Variants in MAP3K1 observed in about 807,000 individuals in gnomAD.
MAP3K1 encodes the protein MAP/ERK kinase kinase 1.
In MAP3K1, 36 loss-of-function variants were observed where a neutral mutation model predicts 144.2. That is an observed-to-expected ratio of 0.25 (90% CI 0.19 to 0.33). The LOEUF (loss-of-function observed/expected upper bound fraction) is 0.33. MAP3K1 is among the 10% of genes least tolerant of loss of function. MAP3K1 has a pLI of 1.00. For synonymous variants in MAP3K1, 718 were observed against 688.7 expected (o/e 1.04, Z -0.67); for missense variants, 1,650 against 1,881.9 (o/e 0.88, Z 2.28).
At chr5:56,850,420 T>C (rs916646541) in intron 1 of MAP3K1, among the ~76,000 whole-genome samples, 5 of 152,358 alleles carry the variant, frequency 3.3e-5, no homozygotes, top group East Asian at 1.9e-4. Flanking sequence ...ACGATCGTTA[T>C]AGTCTTAGTT....
At chr5:56,889,388 C>T (rs570243199) in intron 19 of MAP3K1, among the ~76,000 whole-genome samples, 3 of 152,228 alleles carry the variant, frequency 2.0e-5, no homozygotes, top group East Asian at 1.9e-4. Context: ...AGGCTGGTCT[C>T]GAACTCCTGA....
intron 1 of MAP3K1, among the ~76,000 whole-genome samples, chr5:56,829,107 A>G (rs988740321): frequency 6.6e-6 from 1 of 152,086 alleles, no homozygotes; most frequent in African/African-American, 2.4e-5. Flanking sequence ...TAACTGATTT[A>G]ATCATTGTAA....
At chr5:56,877,155 T>G (rs1748057106) in intron 10 of MAP3K1, among the ~76,000 whole-genome samples, 1 of 152,214 alleles carries the variant, frequency 6.6e-6, no homozygotes, top group South Asian at 2.1e-4. Context: ...GGGACCAGCA[T>G]ACTATAGAAT....
At chr5:56,838,389 T>TA (rs879608254) in intron 1 of MAP3K1, among the ~76,000 whole-genome samples, 2 of 152,224 alleles carry the variant, frequency 1.3e-5, no homozygotes, top group Non-Finnish European at 2.9e-5. Context: ...CAGTTTAAAG[T>TA]AAATGCAATT....
At position 56,881,970 on chromosome 5, in the gene MAP3K1, T is replaced by C; in HGVS notation, c.2770T>C (p.Ser924Pro). Residue 924 changes from serine (S) to proline (P), a missense_variant, in exon 14 of 20, where the codon TCA becomes CCA. Physicochemically the swap from Ser to Pro is moderately conservative, Grantham distance 74 (BLOSUM62 -1). Transcript: ENST00000399503. ...ATGTGCTACAAAATTGAGTGCCAGT[T>C]CAGAGGACATTTCTGAGAGACTGGC... ...GLCATKLSAS[S>P]EDISERLASI... The C allele has an allele frequency of 2.5e-6, 4 of 1,614,054 alleles. 1 individual carries two copies. In the South Asian group the frequency reaches 4.4e-5, roughly 18 times the overall value.
chr5:56,862,113 TC>T (rs2111882333), intron 3 of MAP3K1: 1 of 152,310 alleles, frequency 6.6e-6, no homozygotes, highest in South Asian at 2.1e-4. Flanking sequence ...GGGTGGCTTA[TC>T]TCTGTTCCTT....
At chr5:56,886,922 G>A (rs902657095) in intron 17 of MAP3K1, among the ~76,000 whole-genome samples, 5 of 152,164 alleles carry the variant, frequency 3.3e-5, no homozygotes, top group African/African-American at 1.2e-4. Flanking sequence ...ACCATGCCTG[G>A]CTAATTTTTT....
chr5:56,828,604 G>GT (rs2111773480), intron 1 of MAP3K1, among the ~76,000 whole-genome samples: 1 of 152,286 alleles, frequency 6.6e-6, no homozygotes, highest in East Asian at 1.9e-4. Flanking sequence ...TTTAAAAAGC[G>GT]TAATAACTGC....
chr5:56,827,304 C>G (rs1048431421), intron 1 of MAP3K1, among the ~76,000 whole-genome samples: 5 of 152,174 alleles, frequency 3.3e-5, no homozygotes, highest in Middle Eastern at 3.2e-3. Context: ...AATAAAAAAG[C>G]CTTTGTAATT....
chr5:56,828,175 T>C (rs1746378164), intron 1 of MAP3K1, among the ~76,000 whole-genome samples: 1 of 152,216 alleles, frequency 6.6e-6, no homozygotes, highest in Admixed American at 6.5e-5. Context: ...TACATCATCT[T>C]GATAACAATA....
chr5:56,861,710 GAATCTTAGCTGTCTTGTATATTAA>G (rs2111881074), intron 3 of MAP3K1, among the ~76,000 whole-genome samples: 1 of 152,072 alleles, frequency 6.6e-6, no homozygotes, highest in East Asian at 1.9e-4. Context: ...GCAGCTATGA[GAATCTTAGCTGTCTTGTATATTAA>G]GCTAAACATC....
intron 1 of MAP3K1, among the ~76,000 whole-genome samples, chr5:56,848,826 G>A (rs148166444): frequency 7.2e-5 from 11 of 152,236 alleles, no homozygotes; most frequent in Non-Finnish European, 1.5e-4. Context: ...AATCACTAAG[G>A]TGGTATTAAA....
chr5:56,877,722 T>C (rs992701296), intron 10 of MAP3K1, among the ~76,000 whole-genome samples: 20 of 152,196 alleles, frequency 1.3e-4, no homozygotes, highest in African/African-American at 4.8e-4. Context: ...CCTTCATAGC[T>C]AAACTGCAGA....
intron 3 of MAP3K1, among the ~76,000 whole-genome samples, chr5:56,863,133 A>G (rs185173588): frequency 1.3e-5 from 2 of 152,338 alleles, no homozygotes; most frequent in African/African-American, 4.8e-5. Context: ...GCTGTAGCCA[A>G]TCAGCTGATT....
intron 14 of MAP3K1, 101 bp from the exon 15 acceptor site, chr5:56,883,426 G>A: frequency 9.0e-7 from 1 of 1,111,618 alleles, no homozygotes; most frequent in Non-Finnish European, 1.3e-6. Flanking sequence ...ATTTATAGGT[G>A]GTTTGGGAAG....
intron 1 of MAP3K1, among the ~76,000 whole-genome samples, chr5:56,840,028 C>G (rs1470643684): frequency 2.6e-5 from 4 of 152,198 alleles, no homozygotes; most frequent in Admixed American, 2.6e-4. Context: ...TAGAAACTTT[C>G]CCACTTGTTT....
chr5:56,823,964 A>G (rs756782012), intron 1 of MAP3K1, among the ~76,000 whole-genome samples: 2 of 152,230 alleles, frequency 1.3e-5, no homozygotes, highest in South Asian at 2.1e-4. Flanking sequence ...ATGCATTAAT[A>G]TAATTATTCT....
intron 1 of MAP3K1, among the ~76,000 whole-genome samples, chr5:56,855,638 G>A (rs901762483): frequency 1.3e-5 from 2 of 152,118 alleles, no homozygotes; most frequent in African/African-American, 4.8e-5. Flanking sequence ...AAAATTCCTA[G>A]AGGAGTTTGA....
chr5:56,844,263 T>C (rs996327044), intron 1 of MAP3K1, among the ~76,000 whole-genome samples: 16 of 130,988 alleles, frequency 1.2e-4, no homozygotes, highest in Admixed American at 1.8e-4. Flanking sequence ...CACTGCAAGC[T>C]CCGCCTCCTG....
Sources: allele counts gnomAD v4.1 joint callset (sites outside exome capture counted in the v4.1 genomes callset), GRCh38; gene constraint gnomAD v4.1.1; transcripts MANE v1.5; gene names NCBI Gene and HGNC (gene_info 2026-07-23, HGNC 2026-07-21).